ESRRB: variants seen among roughly 807,000 people sequenced by gnomAD.
ESRRB encodes the protein steroid hormone receptor ERR2.
ESRRB carries 16 observed loss-of-function variants against 46.0 expected under a neutral mutation model. The observed-to-expected ratio is 0.35, with a 90% confidence interval of 0.24 to 0.53. The LOEUF is 0.53. ESRRB is among the 20% of genes least tolerant of loss of function. The pLI, the probability that ESRRB is intolerant of heterozygous loss-of-function variation, is 0.93. For synonymous variants in ESRRB, 246 were observed against 259.6 expected, an observed-to-expected ratio of 0.95 and a Z score of 0.50; for missense variants, 488 against 607.4, an observed-to-expected ratio of 0.80 and a Z score of 2.07.
chr14:76,339,954 C>G (rs1305573605), intron 1 of ESRRB, among the ~76,000 whole-genome samples: 1 of 152,130 alleles, frequency 6.6e-6, no homozygotes, highest in Non-Finnish European at 1.5e-5. Flanking sequence ...ACACATCCAT[C>G]CGGGTGGGAT....
chr14:76,385,944 C>T (rs1291800868), intron 1 of ESRRB, among the ~76,000 whole-genome samples: 1 of 152,166 alleles, frequency 6.6e-6, no homozygotes, highest in Non-Finnish European at 1.5e-5. Context: ...AAGATTTAGT[C>T]AGAGGACAAG....
Position 76,499,582 on chromosome 14 carries a change from G to A in ESRRB, c.*1124G>A. On this transcript the variant is annotated 3_prime_UTR_variant, in exon 7 of 7. Coordinates refer to ENST00000644823, the MANE Select transcript of ESRRB (RefSeq NM_001379180.1). Reference sequence around the variant, plus strand: ...ATCATGCCACAGGGCTAGTGTACCAGTGCCACAGGAGGGGTGCCCTCCTAC... The same window carrying A: ...ATCATGCCACAGGGCTAGTGTACCAATGCCACAGGAGGGGTGCCCTCCTAC... The A allele has an allele frequency of 1.9e-6, 1 of 516,326 alleles. No individual in the cohort carries two copies. Among genetic ancestry groups the A allele is most frequent in the Non-Finnish European group, 3.5e-6 (1 of 283,330 alleles). The allele number at this position is 516,326 out of a possible 1,614,324, so 32.0% of individuals were successfully genotyped here.
intron 1 of ESRRB, among the ~76,000 whole-genome samples, chr14:76,411,451 A>G (rs1057340965): frequency 6.8e-6 from 1 of 148,142 alleles, no homozygotes; most frequent in Non-Finnish European, 1.5e-5. Flanking sequence ...CCATCTTCCA[A>G]AAAAAAAACA....
intron 1 of ESRRB, among the ~76,000 whole-genome samples, chr14:76,377,474 G>T (rs755191645): frequency 2.6e-5 from 4 of 152,194 alleles, no homozygotes; most frequent in Non-Finnish European, 5.9e-5. Context: ...CCCGGAGGCA[G>T]GTTGTGTGCG....
chr14:76,481,839 G>A (rs1239464228), intron 3 of ESRRB, among the ~76,000 whole-genome samples, 177 bp from the exon 4 acceptor site: 1 of 152,196 alleles, frequency 6.6e-6, no homozygotes, highest in Non-Finnish European at 1.5e-5. Context: ...ATTACTGTTA[G>A]ACAATTATTT....
intron 1 of ESRRB, among the ~76,000 whole-genome samples, chr14:76,377,049 C>T (rs928464712): frequency 1.3e-5 from 2 of 152,190 alleles, no homozygotes; most frequent in Non-Finnish European, 1.5e-5. Flanking sequence ...GGATGCGGGC[C>T]CAGCGCTGCG....
intron 1 of ESRRB, among the ~76,000 whole-genome samples, chr14:76,406,367 G>T (rs950521038): frequency 6.6e-6 from 1 of 152,040 alleles, no homozygotes; most frequent in East Asian, 1.9e-4. Context: ...CCATTGCCTG[G>T]GGAGCTCTTC....
intron 1 of ESRRB, among the ~76,000 whole-genome samples, chr14:76,314,737 C>T (rs573714771): frequency 7.2e-4 from 109 of 152,186 alleles, no homozygotes; most frequent in African/African-American, 2.4e-3. Context: ...TGGCCAAGGT[C>T]GAGCAATGTC....
intron 2 of ESRRB, among the ~76,000 whole-genome samples, chr14:76,440,557 A>ATTCC (rs57824686): frequency 6.6e-5 from 10 of 150,830 alleles, no homozygotes; most frequent in African/African-American, 2.2e-4. Flanking sequence ...ACCTTCCTTC[A>ATTCC]TTCCTTCCTT....
At chr14:76,347,970 A>G (rs35788287) in intron 1 of ESRRB, among the ~76,000 whole-genome samples, 24,748 of 152,096 alleles carry the variant, frequency 0.16, 2,083 homozygotes, top group South Asian at 0.21. Context: ...CTGTGTCCCT[A>G]CAGATGTCAT....
chr14:76,441,649 T>G (rs1887928159), intron 2 of ESRRB, among the ~76,000 whole-genome samples: 1 of 152,212 alleles, frequency 6.6e-6, no homozygotes. Context: ...CGTCAGGCCC[T>G]GGGTAGAGCA....
chr14:76,351,485 C>T (rs558230095), intron 1 of ESRRB, among the ~76,000 whole-genome samples: 2 of 152,316 alleles, frequency 1.3e-5, no homozygotes, highest in East Asian at 3.9e-4. Context: ...TCTTATAGGG[C>T]CACTGGTTGC....
intron 1 of ESRRB, 102 bp from the exon 2 acceptor site, chr14:76,439,239 C>T: frequency 1.5e-6 from 2 of 1,338,696 alleles, no homozygotes; most frequent in Admixed American, 3.4e-5. Context: ...GCACCAAAGC[C>T]TTAGCATAGA....
chr14:76,475,929 C>T (rs1889563546), intron 3 of ESRRB, among the ~76,000 whole-genome samples: 1 of 152,160 alleles, frequency 6.6e-6, no homozygotes, highest in South Asian at 2.1e-4. Context: ...AGAGAGATGC[C>T]ATGCATCGCT....
chr14:76,345,729 A>G (rs1046212347), intron 1 of ESRRB, among the ~76,000 whole-genome samples: 3 of 152,228 alleles, frequency 2.0e-5, no homozygotes, highest in Non-Finnish European at 2.9e-5. Context: ...GCTTTTCAAC[A>G]CTTGCCCTGG....
rs118150038 is a variant in ESRRB at position 76,439,614 on chromosome 14, G to A, written c.324G>A (p.Ser108=). ...EDCASGIMED[S]AIKCEYMLNA... is the part of the protein sequence containing the mutation. ...GTGCCAGCGGCATCATGGAGGACTC[G>A]GCCATCAAGTGCGAGTACATGCTCA... Residue 108 remains serine (S), a synonymous_variant, in exon 2 of 7, where the codon TCG becomes TCA. Coordinates refer to ENST00000644823, the MANE Select transcript of ESRRB (RefSeq NM_001379180.1). 1.4e-5 allele frequency: 23 copies of A among 1,614,214 alleles called. No individual in the cohort carries two copies. In the East Asian group the frequency reaches 3.6e-4, roughly 25 times the overall value.
intron 1 of ESRRB, among the ~76,000 whole-genome samples, chr14:76,339,758 C>T (rs1595049373): frequency 6.6e-6 from 1 of 152,238 alleles, no homozygotes; most frequent in Non-Finnish European, 1.5e-5. Context: ...GCAGGGGGCT[C>T]TCCCAGCTGC....
At chr14:76,373,155 C>T (rs1884663972), upstream of ESRRB, among the ~76,000 whole-genome samples, 1 of 152,198 alleles carries the variant, frequency 6.6e-6, no homozygotes, top group Non-Finnish European at 1.5e-5. Context: ...GTCCACTTTC[C>T]TTTTGGCTGA....
intron 3 of ESRRB, among the ~76,000 whole-genome samples, chr14:76,478,382 A>T (rs1889665027): frequency 6.6e-6 from 1 of 152,118 alleles, no homozygotes; most frequent in South Asian, 2.1e-4. Context: ...CCAGATGGAG[A>T]CATCGGCAGA....
Sources: allele counts gnomAD v4.1 joint callset (sites outside exome capture counted in the v4.1 genomes callset), GRCh38; gene constraint gnomAD v4.1.1; transcripts MANE v1.5; gene names NCBI Gene and HGNC (gene_info 2026-07-23, HGNC 2026-07-21).